Variants in TCEA1 observed in about 807,000 individuals in gnomAD.
TCEA1 encodes the protein transcription elongation factor A protein 1.
In TCEA1, 21 loss-of-function variants were observed where a neutral mutation model predicts 43.8. That is an observed-to-expected ratio of 0.48 (90% CI 0.34 to 0.69). The LOEUF (loss-of-function observed/expected upper bound fraction) is 0.69, where lower values mean the gene tolerates loss of function less well. Ranked by LOEUF, TCEA1 falls within the 30% of genes least tolerant of loss-of-function variation. The pLI is 0.01. For synonymous variants in TCEA1, 104 were observed against 117.5 expected (o/e 0.88, Z 0.75); for missense variants, 250 against 365.1 (o/e 0.68, Z 2.57).
intron 5 of TCEA1, 74 bp from the exon 6 acceptor site, chr8:53,987,099 C>T (rs1266597616): frequency 2.5e-6 from 3 of 1,220,318 alleles, no homozygotes. Context: ...GGTAATTAAA[C>T]TGCATTCCTA....
intron 8 of TCEA1, chr8:53,972,294 G>A (rs1011847822): frequency 4.6e-6 from 2 of 439,518 alleles, no homozygotes; most frequent in Non-Finnish European, 8.9e-6. Flanking sequence ...CAATGGAAGT[G>A]ATGATGAAAA....
rs778322464 is a variant in TCEA1 at position 54,022,140 on chromosome 8, T to C, written c.-15A>G. 1.1e-5 allele frequency: 17 copies of C among 1,597,994 alleles called. No individual in the cohort carries two copies. The African/African-American group carries it at 2.2e-4, about 20-fold the overall frequency. On this transcript the variant is annotated 5_prime_UTR_variant, in exon 1 of 10. Transcript: ENST00000521604. ...TCGTCCTCCATGGCTCCGGCAGGTC[T>C]TCTCCGCGCCCACCCCGCTGGCAAG...
At chr8:53,997,910 G>A (rs1804116598) in intron 3 of TCEA1, among the ~76,000 whole-genome samples, 1 of 152,168 alleles carries the variant, frequency 6.6e-6, no homozygotes, top group Non-Finnish European at 1.5e-5. Context: ...GTGGATAGGG[G>A]AATAAACCTG....
At chr8:53,992,440 C>A (rs1488395224) in intron 4 of TCEA1, among the ~76,000 whole-genome samples, 1 of 151,632 alleles carries the variant, frequency 6.6e-6, no homozygotes, top group African/African-American at 2.4e-5. Context: ...TAGCAAAACC[C>A]CATCTCTACT....
At position 54,022,276 on chromosome 8, in the gene TCEA1, C is replaced by CGCGGCGGCGGCG. The variant is rs58021302; in HGVS notation, c.-163_-152dup. Reference sequence around the variant, plus strand: ...GGCCCCCTTCCTTACGAACGAAGCCCGCGGCGGCGGCGGCGGCGGCGGCGG... The same window carrying CGCGGCGGCGGCG: ...GGCCCCCTTCCTTACGAACGAAGCCCGCGGCGGCGGCGGCGGCGGCGGCGGCGGCGGCGGCGG... On this transcript the variant is annotated 5_prime_UTR_variant, in exon 1 of 10. Coordinates refer to ENST00000521604, the MANE Select transcript of TCEA1 (RefSeq NM_006756.4). The CGCGGCGGCGGCG allele has an allele frequency of 1.4e-4, 127 of 883,838 alleles. No individual in the cohort carries two copies. Among genetic ancestry groups the CGCGGCGGCGGCG allele is most frequent in the African/African-American group, 1.1e-3 (65 of 56,730 alleles). The allele number at this position is 883,838 out of a possible 1,614,324, so 54.7% of individuals were successfully genotyped here.
intron 6 of TCEA1, among the ~76,000 whole-genome samples, chr8:53,985,269 G>A (rs1014109039): frequency 6.6e-5 from 10 of 152,056 alleles, no homozygotes; most frequent in African/African-American, 2.2e-4. Context: ...CACCCGTCTC[G>A]GCCTCTCAAA....
chr8:53,997,311 A>G (rs956474453), intron 3 of TCEA1, among the ~76,000 whole-genome samples: 2 of 152,194 alleles, frequency 1.3e-5, no homozygotes, highest in African/African-American at 4.8e-5. Context: ...TGGTTTGAGC[A>G]AAAAATCAAT....
intron 6 of TCEA1, among the ~76,000 whole-genome samples, chr8:53,984,881 TA>T (rs998835523): frequency 2.2e-4 from 31 of 144,046 alleles, no homozygotes; most frequent in South Asian, 6.6e-4. Context: ...CACTCCATCT[TA>T]AAAAAAAAAA....
intron 4 of TCEA1, 51 bp downstream of exon 4, chr8:53,993,617 G>A (rs1401945752): frequency 2.8e-6 from 4 of 1,442,554 alleles, no homozygotes; most frequent in Non-Finnish European, 3.8e-6. Context: ...ATTGATGCAG[G>A]AAGTAAAACT....
chr8:54,000,118 A>G, intron 2 of TCEA1, 68 bp from the exon 3 acceptor site: 1 of 951,914 alleles, frequency 1.1e-6, no homozygotes, highest in Admixed American at 3.1e-5. Context: ...TTTCACCTAC[A>G]TTCTTTTCTT....
chr8:53,991,158 C>G (rs1418393283), intron 4 of TCEA1, among the ~76,000 whole-genome samples: 1 of 152,088 alleles, frequency 6.6e-6, no homozygotes, highest in African/African-American at 2.4e-5. Flanking sequence ...TTTGAGAGGC[C>G]AAGGTGGGTG....
At position 53,988,269 on chromosome 8, in the gene TCEA1, GCA is replaced by G; in HGVS notation, c.321-12_321-11del. Reference sequence around the variant, plus strand: ...ATTGCCGCTGGAAGTACTGAAATACGCACAAACACCCCAAAAAGAAATCAAGA... The same window carrying G: ...ATTGCCGCTGGAAGTACTGAAATACGCAAACACCCCAAAAAGAAATCAAGA... On this transcript the variant is annotated splice_polypyrimidine_tract_variant and intron_variant, in intron 4 of 9. Coordinates refer to ENST00000521604, the MANE Select transcript of TCEA1 (RefSeq NM_006756.4). 2 of 1,607,780 alleles carry G rather than the reference GCA, an allele frequency of 1.2e-6. No homozygotes were observed. The highest frequency in any genetic ancestry group is 1.1e-5 in the South Asian group (1 of 90,854).
chr8:53,986,955 C>G lies in TCEA1; in HGVS notation c.523+14G>C. The G allele has an allele frequency of 6.4e-7, 1 of 1,567,916 alleles. No individual in the cohort carries two copies. Among genetic ancestry groups the G allele is most frequent in the South Asian group, 1.2e-5 (1 of 83,248 alleles). ...ATTAAAAAAAACAATTATGAATATA[C>G]ACACAAAGGATATCTTCTTCAATTT... On this transcript the variant is annotated intron_variant, in intron 6 of 9. Transcript: ENST00000521604.
intron 8 of TCEA1, chr8:53,972,299 T>C (rs1803181898): frequency 4.5e-6 from 2 of 439,956 alleles, no homozygotes; most frequent in Non-Finnish European, 8.9e-6. Flanking sequence ...GAAGTGATGA[T>C]GAAAATGAAG....
chr8:53,979,199 G>C, intron 7 of TCEA1, 28 bp from the exon 8 acceptor site: 1 of 1,596,160 alleles, frequency 6.3e-7, no homozygotes, highest in East Asian at 2.2e-5. Context: ...ATACCACTCA[G>C]TTATAGACAC....
intron 3 of TCEA1, among the ~76,000 whole-genome samples, chr8:53,996,863 C>T: frequency 6.9e-6 from 1 of 143,886 alleles, no homozygotes; most frequent in East Asian, 2.1e-4. Flanking sequence ...TGCGAGTCTA[C>T]ACTAATGGAT....
chr8:53,972,456 T>C, intron 8 of TCEA1: 1 of 519,820 alleles, frequency 1.9e-6, no homozygotes, highest in South Asian at 1.5e-5. Flanking sequence ...TGGGCATGCA[T>C]GGAGAGAATC....
chr8:53,969,323 T>C (rs1234036818), intron 9 of TCEA1, among the ~76,000 whole-genome samples: 1 of 151,966 alleles, frequency 6.6e-6, no homozygotes, highest in East Asian at 1.9e-4. Flanking sequence ...ACAAAATAGG[T>C]ACTGGCCCCA....
chr8:53,972,215 TA>T, intron 8 of TCEA1: 1 of 335,882 alleles, frequency 3.0e-6, no homozygotes. Context: ...AAAGTGTTAG[TA>T]AAACAGGAAG....
Sources: gnomAD v4.1 joint callset for allele counts (sites outside exome capture counted in the v4.1 genomes callset) on GRCh38, gnomAD v4.1.1 for gene constraint, MANE v1.5 for transcripts, NCBI Gene and HGNC (gene_info 2026-07-23, HGNC 2026-07-21) for gene names.